Variants in PLCG2 observed in about 807,000 individuals in gnomAD.
PLCG2 encodes phospholipase C gamma 2, also known as 1-phosphatidylinositol 4,5-bisphosphate phosphodiesterase gamma-2.
PLCG2 carries 69 observed loss-of-function variants against 175.6 expected under a neutral mutation model. The ratio of observed to expected loss-of-function variants is 0.39; its 90% CI spans 0.32 to 0.48. PLCG2 has a LOEUF of 0.48. Ranked by LOEUF, PLCG2 falls within the 20% of genes least tolerant of loss-of-function variation. The pLI is 0.91. For missense variants in PLCG2, 1,798 were observed against 1,650.9 expected (o/e 1.09, Z -1.54); for synonymous variants, 827 against 624.0 (o/e 1.33, Z -4.85).
chr16:81,948,524 C>T (rs1235854364), intron 31 of PLCG2, among the ~76,000 whole-genome samples: 1 of 152,118 alleles, frequency 6.6e-6, no homozygotes, highest in East Asian at 1.9e-4. Context: ...GAAGAAAACC[C>T]AGGATGTTGT....
intron 9 of PLCG2, among the ~76,000 whole-genome samples, chr16:81,886,925 G>T (rs8055576): frequency 0.67 from 101,125 of 151,988 alleles, 33,706 homozygotes; most frequent in Admixed American, 0.72. Flanking sequence ...TACACCAAGT[G>T]GATGCATTTT....
At chr16:81,907,033 T>G (rs1201771923) in intron 15 of PLCG2, among the ~76,000 whole-genome samples, 2 of 89,208 alleles carry the variant, frequency 2.2e-5, no homozygotes, top group Non-Finnish European at 4.2e-5. Context: ...ACAGACTCTG[T>G]CTCAAAAAAA....
intron 31 of PLCG2, among the ~76,000 whole-genome samples, chr16:81,955,854 G>A (rs940166487): frequency 2.6e-5 from 4 of 152,198 alleles, no homozygotes; most frequent in Admixed American, 2.6e-4. Flanking sequence ...GCCCATCTCT[G>A]CAAGATGTAA....
intron 1 of PLCG2, among the ~76,000 whole-genome samples, chr16:81,748,342 A>G (rs1909744187): frequency 6.6e-6 from 1 of 152,052 alleles, no homozygotes; most frequent in Non-Finnish European, 1.5e-5. Flanking sequence ...GTAAGTCGAG[A>G]TGGTGCCACT....
At chr16:81,811,879 A>C (rs2143296582) in intron 2 of PLCG2, among the ~76,000 whole-genome samples, 1 of 152,158 alleles carries the variant, frequency 6.6e-6, no homozygotes, top group Non-Finnish European at 1.5e-5. Flanking sequence ...CTTTCGGTTT[A>C]TACCCAGTAA....
chr16:81,886,484 A>T (rs1908373947), intron 9 of PLCG2, among the ~76,000 whole-genome samples: 1 of 152,250 alleles, frequency 6.6e-6, no homozygotes, highest in Non-Finnish European at 1.5e-5. Flanking sequence ...ATCTGGAGTA[A>T]ATAGTTGCCC....
chr16:81,769,702 C>T (rs1004601382), intron 2 of PLCG2, among the ~76,000 whole-genome samples: 7 of 150,562 alleles, frequency 4.6e-5, no homozygotes, highest in Non-Finnish European at 7.4e-5. Context: ...CGCCTGTAGT[C>T]CCAGCTACTT....
At chr16:81,918,146 GTTGT>G (rs1268385215) in intron 19 of PLCG2, among the ~76,000 whole-genome samples, 25 of 152,272 alleles carry the variant, frequency 1.6e-4, no homozygotes, top group African/African-American at 5.5e-4. Flanking sequence ...CATTCTGTAG[GTTGT>G]TTATTTACTC....
chr16:81,934,992 C>T (rs748895435), intron 26 of PLCG2, among the ~76,000 whole-genome samples: 1 of 151,230 alleles, frequency 6.6e-6, no homozygotes, highest in African/African-American at 2.4e-5. Flanking sequence ...ATTATGGGAG[C>T]TACAATTCAA....
chr16:81,853,235 G>T (rs543114282), intron 2 of PLCG2, among the ~76,000 whole-genome samples: 2 of 152,006 alleles, frequency 1.3e-5, no homozygotes, highest in Non-Finnish European at 2.9e-5. Flanking sequence ...TGAGGCTCAG[G>T]CAGGATAATT....
chr16:81,956,627 G>A (rs1298475043), intron 31 of PLCG2, 68 bp from the exon 32 acceptor site: 1 of 1,421,800 alleles, frequency 7.0e-7, no homozygotes, highest in African/African-American at 1.4e-5. Flanking sequence ...CTTGTGAGAT[G>A]CCAGGTTCAC....
intron 1 of PLCG2, among the ~76,000 whole-genome samples, chr16:81,743,503 AT>A: frequency 6.6e-6 from 1 of 152,340 alleles, no homozygotes; most frequent in East Asian, 1.9e-4. Flanking sequence ...AGTGAGGGAC[AT>A]TTCCGGAGCC....
chr16:81,783,788 G>T (rs1457676278), intron 1 of PLCG2, among the ~76,000 whole-genome samples: 4 of 152,074 alleles, frequency 2.6e-5, no homozygotes, highest in Admixed American at 6.6e-5. Context: ...AGGTCATTTT[G>T]GGTTTCTCCT....
intron 2 of PLCG2, among the ~76,000 whole-genome samples, chr16:81,844,815 C>A (rs1427893212): frequency 6.6e-6 from 1 of 152,254 alleles, no homozygotes; most frequent in Non-Finnish European, 1.5e-5. Flanking sequence ...TGTGTGTACA[C>A]ACATGGATGC....
chr16:81,741,259 G>C (rs930688037), intron 1 of PLCG2, among the ~76,000 whole-genome samples: 1 of 152,160 alleles, frequency 6.6e-6, no homozygotes, highest in African/African-American at 2.4e-5. Flanking sequence ...GGGGCTTTGA[G>C]GTTATTTTAG....
upstream of PLCG2, among the ~76,000 whole-genome samples, chr16:81,778,352 A>C (rs961758554): frequency 9.2e-5 from 14 of 152,302 alleles, no homozygotes; most frequent in Admixed American, 7.9e-4. Flanking sequence ...CCTGGGTGAC[A>C]GAGTGAGACC....
chr16:81,833,814 G>A (rs1010841344), intron 2 of PLCG2, among the ~76,000 whole-genome samples: 1 of 152,098 alleles, frequency 6.6e-6, no homozygotes, highest in African/African-American at 2.4e-5. Context: ...TCCCAAAGTG[G>A]TGGGGTTACA....
At chr16:81,874,251 G>T (rs1907660297) in intron 7 of PLCG2, among the ~76,000 whole-genome samples, 1 of 152,158 alleles carries the variant, frequency 6.6e-6, no homozygotes, top group Non-Finnish European at 1.5e-5. Flanking sequence ...TCTCGCCATG[G>T]AACGGTCCAC....
chr16:81,954,730 A>G (rs1000811867), intron 31 of PLCG2, among the ~76,000 whole-genome samples: 2 of 152,028 alleles, frequency 1.3e-5, no homozygotes, highest in Non-Finnish European at 2.9e-5. Context: ...TTCTTTATCT[A>G]GTCTATCACT....
Sources: allele counts gnomAD v4.1 joint callset (sites outside exome capture counted in the v4.1 genomes callset), GRCh38; gene constraint gnomAD v4.1.1; transcripts MANE v1.5; gene names NCBI Gene and HGNC (gene_info 2026-07-23, HGNC 2026-07-21).